The following RAX variants were observed in gnomAD, a reference collection of about 807,000 sequenced individuals.
RAX encodes the protein retina and anterior neural fold homeobox, also known as retinal homeobox protein Rx.
In RAX, 11 loss-of-function variants were observed where a neutral mutation model predicts 17.4. That is an observed-to-expected ratio of 0.63 (90% confidence interval 0.40 to 1.05). The LOEUF (loss-of-function observed/expected upper bound fraction) is 1.05. Among genes scored for constraint, RAX ranks in the 50% least tolerant of loss-of-function variants. RAX has a pLI of 0.00. For missense variants in RAX, 527 were observed against 501.1 expected, an observed-to-expected ratio of 1.05 and a Z score of -0.49; for synonymous variants, 276 against 254.7, an observed-to-expected ratio of 1.08 and a Z score of -0.80.
Position 59,269,101 on chromosome 18 carries a change from A to G in RAX, c.944T>C (p.Leu315Pro). 1 of 1,611,570 alleles carries G rather than the reference A, an allele frequency of 6.2e-7. No individual in the cohort carries two copies. The highest frequency in any genetic ancestry group is 8.5e-7 in the Non-Finnish European group (1 of 1,179,144). ...CGPGFGDKFPLDEADPRNSSI... is the reference protein window; with the variant it reads ...CGPGFGDKFPPDEADPRNSSI... ...GCTGTTGCGCGGGTCCGCCTCGTCC[A>G]GCGGGAACTTGTCCCCGAAGCCGGG... The change falls in exon 3 of 3, where the codon CTG (leucine) becomes CCG (proline). Residue 315 changes from leucine (L) to proline (P), a missense_variant. Coordinates refer to ENST00000334889, the MANE Select transcript of RAX (RefSeq NM_013435.3).
intron 1 of RAX, 97 bp downstream of exon 1, chr18:59,272,821 T>G (rs2070350275): frequency 6.9e-7 from 1 of 1,450,556 alleles, no homozygotes. Context: ...CCGCGCCCAG[T>G]TGCCTTAATA....
Position 59,269,400 on chromosome 18 carries a change from G to A in RAX, c.645C>T (p.Ser215=). 2.0e-6 allele frequency: 3 copies of A among 1,534,636 alleles called. No homozygotes were observed. The highest frequency in any genetic ancestry group is 2.6e-6 in the Non-Finnish European group (3 of 1,148,266). ...QDSPLLSFSR[S]PPSATLSPLG... The stretch of plus-strand genomic sequence containing the variant: ...GGGGCGACAGCGTCGCGGAGGGCGG[G>A]GAGCGGCTGAAGGAGAGGAGGGGCG... Residue 215 remains serine (S), a synonymous_variant, in exon 3 of 3, where the codon TCC becomes TCT. Transcript: ENST00000334889.
chr18:59,271,276 GC>G (rs1174256562), intron 2 of RAX, among the ~76,000 whole-genome samples: 1 of 152,164 alleles, frequency 6.6e-6, no homozygotes. Context: ...GTACTGGAAG[GC>G]TTTGCCTCTA....
rs985273475 is a variant in RAX, at chr18:59,273,044, G to T, written c.163C>A (p.Arg55=). Residue 55 remains arginine (R), a synonymous_variant, in exon 1 of 3, where the codon CGG becomes AGG. Coordinates refer to ENST00000334889, the MANE Select transcript of RAX (RefSeq NM_013435.3). ...CGCTCCTTCGCGCCCCGGGCGCCCC[G>T]CTCCGCCGGGAAGGTGCCGAGGATC... is the stretch of plus-strand genomic sequence containing the variant. ...DGILGTFPAE[R]GARGAKERDR... is the part of the protein sequence containing the mutation. 1.1e-5 allele frequency: 17 copies of T among 1,534,490 alleles called. No homozygotes were observed. Among genetic ancestry groups the T allele is most frequent in the Non-Finnish European group, 1.4e-5 (16 of 1,146,300 alleles).
chr18:59,272,274 T>G (rs762347377), intron 2 of RAX, 87 bp downstream of exon 2: 8 of 1,574,488 alleles, frequency 5.1e-6, no homozygotes, highest in Non-Finnish European at 2.6e-6. Context: ...AATAAATGCA[T>G]GGACACCCGT....
At chr18:59,272,736 T>C in intron 1 of RAX, 122 bp from the exon 2 acceptor site, 1 of 1,409,868 alleles carries the variant, frequency 7.1e-7, no homozygotes, top group South Asian at 1.5e-5. Context: ...GGGAGGTCCG[T>C]GGTGAGGGCG....
Position 59,273,334 on chromosome 18 carries a change from G to C in RAX, c.-128C>G, listed in dbSNP as rs950024862. On this transcript the variant is annotated 5_prime_UTR_variant, in exon 1 of 3. Coordinates refer to ENST00000334889, the MANE Select transcript of RAX (RefSeq NM_013435.3). ...AGGTCAAGCTCCGCGGGCGAAGCCC[G>C]CCCGGGCTGCGCACGCTGGGGGTGG... 9.6e-7 allele frequency: 1 copy of C among 1,036,352 alleles called. No homozygotes were observed. Among genetic ancestry groups the C allele is most frequent in the Non-Finnish European group, 1.3e-6 (1 of 752,708 alleles). 64.2% of individuals were successfully genotyped at this position (1,036,352 alleles called of 1,614,324 possible). A position where few individuals can be genotyped will look rare whatever the true frequency, so the allele number is the denominator to read the frequency against.
At chr18:59,272,303 G>A in intron 2 of RAX, 58 bp downstream of exon 2, 1 of 1,611,856 alleles carries the variant, frequency 6.2e-7, no homozygotes, top group Middle Eastern at 1.7e-4. Context: ...AGAAGCATTG[G>A]CTGCAATTTG....
In RAX at chr18:59,273,062, C is replaced by T; in HGVS notation, c.145G>A (p.Gly49Ser). ...GCGCCCCGCTCCGCCGGGAAGGTGC[C>T]GAGGATCCCGTCGTCCTTGGTAAAC... ...LGFTKDDGIL[G>S]TFPAERGARG... is the part of the protein sequence containing the mutation. Residue 49 changes from glycine to serine, a missense_variant, in exon 1 of 3, where the codon GGC becomes AGC. Transcript: ENST00000334889. 1 of 1,534,982 alleles carries T rather than the reference C, an allele frequency of 6.5e-7. No homozygotes were observed. The highest frequency in any genetic ancestry group is 1.2e-5 in the South Asian group (1 of 84,032).
In RAX at chr18:59,273,038, C is replaced by T. The variant is rs1402434953; in HGVS notation, c.169G>A (p.Ala57Thr). ...ILGTFPAERGARGAKERDRRL... is the reference protein window; with the variant it reads ...ILGTFPAERGTRGAKERDRRL... ...CTATCCCGCTCCTTCGCGCCCCGGG[C>T]GCCCCGCTCCGCCGGGAAGGTGCCG... Residue 57 changes from alanine to threonine, a missense_variant, in exon 1 of 3, where the codon GCC becomes ACC. Ala to Thr is a moderately conservative substitution (Grantham distance 58). Coordinates refer to ENST00000334889, the MANE Select transcript of RAX (RefSeq NM_013435.3). The T allele has an allele frequency of 3.3e-6, 5 of 1,534,448 alleles. 2 individuals are homozygous for T. The South Asian group carries it at 4.8e-5, about 15-fold the overall frequency.
chr18:59,268,803 A>C lies in RAX; in HGVS notation c.*201T>G. 1 of 852,682 alleles carries C rather than the reference A, an allele frequency of 1.2e-6. No individual in the cohort carries two copies. Among genetic ancestry groups the C allele is most frequent in the Non-Finnish European group, 1.8e-6 (1 of 567,126 alleles). The allele number at this position is 852,682 out of a possible 1,614,324, so 52.8% of individuals were successfully genotyped here. ...CCGCGAAGTGCGTTGAGGCGGCCAGAGGGCCTCTCCTCAGGCCTGAAAGTC... is the reference window on the plus strand; with the variant it reads ...CCGCGAAGTGCGTTGAGGCGGCCAGCGGGCCTCTCCTCAGGCCTGAAAGTC... On this transcript the variant is annotated 3_prime_UTR_variant, in exon 3 of 3. Transcript: ENST00000334889. This position sits in a 1 kb window ranked among gnomAD's most constrained non-coding sequence, Gnocchi z 4.4.
Position 59,272,442 on chromosome 18 carries a change from C to A in RAX, c.462G>T (p.Ala154=). 1 of 1,614,228 alleles carries A rather than the reference C, an allele frequency of 6.2e-7. No homozygotes were observed. Among genetic ancestry groups the A allele is most frequent in the Non-Finnish European group, 8.5e-7 (1 of 1,180,042 alleles). ...CGTCCGGGTAGTGGGACTTCTCGAACGCGCGCTCCAGCTCATGCAGCTGGT... is the reference window on the plus strand; with the variant it reads ...CGTCCGGGTAGTGGGACTTCTCGAAAGCGCGCTCCAGCTCATGCAGCTGGT... ...TTYQLHELER[A]FEKSHYPDVY... The change falls in exon 2 of 3, where the codon GCG becomes GCT. Residue 154 remains alanine (A), a synonymous_variant. Coordinates refer to ENST00000334889, the MANE Select transcript of RAX (RefSeq NM_013435.3).
chr18:59,273,372 C>A lies in RAX; in HGVS notation c.-166G>T, dbSNP rs1323358806. 4.3e-6 allele frequency: 3 copies of A among 698,784 alleles called. No individual in the cohort carries two copies. The highest frequency in any genetic ancestry group is 3.2e-5 in the East Asian group (1 of 31,456). The allele number at this position is 698,784 out of a possible 1,614,324, so 43.3% of individuals were successfully genotyped here. A position where few individuals can be genotyped will look rare whatever the true frequency, so the allele number is the denominator to read the frequency against. On this transcript the variant is annotated 5_prime_UTR_variant, in exon 1 of 3. Transcript: ENST00000334889. ...ACGCTGGGGGTGGCCGAGCGCTCAG[C>A]CCGCTGCCGCCTTAGTCCCAGAAGT...
rs759173209 is a variant in RAX at position 59,272,976 on chromosome 18, G to T, written c.231C>A (p.Pro77=). The change falls in exon 1 of 3, where the codon CCC becomes CCA. Residue 77 remains proline, a synonymous_variant. Transcript: ENST00000334889. ...LGARPACPKA[P]EEGSEPSPPP... ...GCGGGGAGGGCTCGGAGCCTTCCTC[G>T]GGCGCCTTGGGGCAGGCGGGCCGCG... 4.3e-5 allele frequency: 65 copies of T among 1,520,388 alleles called. No individual in the cohort carries two copies. The highest frequency in any genetic ancestry group is 6.0e-5 in the Admixed American group (3 of 49,764). 94.2% of individuals were successfully genotyped at this position (1,520,388 alleles called of 1,614,324 possible). A position where few individuals can be genotyped will look rare whatever the true frequency, so the allele number is the denominator to read the frequency against.
Position 59,268,846 on chromosome 18 carries a change from T to C in RAX, c.*158A>G, listed in dbSNP as rs1026734622. ...TGAAAGTCGCCCTTCTCCCCGTGCA[T>C]CGGGAGCAGGCGCGTGGCCCTGAAC... is the stretch of plus-strand genomic sequence containing the variant. On this transcript the variant is annotated 3_prime_UTR_variant, in exon 3 of 3. Coordinates refer to ENST00000334889, the MANE Select transcript of RAX (RefSeq NM_013435.3). This position sits in a 1 kb window ranked among gnomAD's most constrained non-coding sequence, Gnocchi z 4.4. 1.0e-5 allele frequency: 13 copies of C among 1,244,064 alleles called. No individual in the cohort carries two copies. Among genetic ancestry groups the C allele is most frequent in the Non-Finnish European group, 1.4e-5 (13 of 900,382 alleles). The allele number at this position is 1,244,064 out of a possible 1,614,324, so 77.1% of individuals were successfully genotyped here.
chr18:59,273,174 G>C lies in RAX; in HGVS notation c.33C>G (p.Ala11=). 3.9e-6 allele frequency: 6 copies of C among 1,531,176 alleles called. No homozygotes were observed. Among genetic ancestry groups the C allele is most frequent in the Non-Finnish European group, 5.2e-6 (6 of 1,144,824 alleles). 94.8% of individuals were successfully genotyped at this position (1,531,176 alleles called of 1,614,324 possible). Residue 11 remains alanine (A), a synonymous_variant, in exon 1 of 3, where the codon GCC becomes GCG. Transcript: ENST00000334889. MHLPGCAPAM[A]DGSFSLAGHL... ...GGCCGGCAAGCGAGAAGCTCCCGTCGGCCATGGCTGGCGCGCAGCCCGGCA... is the reference window on the plus strand; with the variant it reads ...GGCCGGCAAGCGAGAAGCTCCCGTCCGCCATGGCTGGCGCGCAGCCCGGCA...
At chr18:59,269,559 A>G in intron 2 of RAX, 58 bp from the exon 3 acceptor site, 1 of 1,577,580 alleles carries the variant, frequency 6.3e-7, no homozygotes, top group African/African-American at 1.3e-5. Flanking sequence ...CCGCGTCCCC[A>G]ACCCTGAGCC....
chr18:59,267,288 A>G lies in RAX; in HGVS notation c.*1716T>C, dbSNP rs1363216474. 6.6e-6 allele frequency: 1 copy of G among 152,336 alleles called. No individual in the cohort carries two copies. The highest frequency in any genetic ancestry group is 2.4e-5 in the African/African-American group (1 of 41,576). The allele number at this position is 152,336 out of a possible 1,614,324, so 9.4% of individuals were successfully genotyped here. ...ACCCGCAGAGAAAGGACTGGAAACT[A>G]TGATGAGGCTTCCCATATTCCCAGC... On this transcript the variant is annotated 3_prime_UTR_variant, in exon 3 of 3. Coordinates refer to ENST00000334889, the MANE Select transcript of RAX (RefSeq NM_013435.3).
Position 59,268,837 on chromosome 18 carries a change from C to G in RAX, c.*167G>C. 8.5e-7 allele frequency: 1 copy of G among 1,175,676 alleles called. No homozygotes were observed. The highest frequency in any genetic ancestry group is 1.2e-6 in the Non-Finnish European group (1 of 841,440). The allele number at this position is 1,175,676 out of a possible 1,614,324, so 72.8% of individuals were successfully genotyped here. A position where few individuals can be genotyped will look rare whatever the true frequency, so the allele number is the denominator to read the frequency against. On this transcript the variant is annotated 3_prime_UTR_variant, in exon 3 of 3. Coordinates refer to ENST00000334889, the MANE Select transcript of RAX (RefSeq NM_013435.3). This position sits in a 1 kb window ranked among gnomAD's most constrained non-coding sequence, Gnocchi z 4.4. ...CCTCAGGCCTGAAAGTCGCCCTTCT[C>G]CCCGTGCATCGGGAGCAGGCGCGTG...
Sources: allele counts gnomAD v4.1 joint callset (sites outside exome capture counted in the v4.1 genomes callset), GRCh38; gene constraint gnomAD v4.1.1; non-coding constraint Gnocchi (gnomAD v3.1); transcripts MANE v1.5; gene names NCBI Gene and HGNC (gene_info 2026-07-23, HGNC 2026-07-21).